Variants in LGSN observed in about 807,000 individuals in gnomAD.
The protein encoded by LGSN is lengsin.
LGSN carries 21 observed loss-of-function variants against 19.5 expected under a neutral mutation model. That is an observed-to-expected ratio of 1.07 (90% confidence interval 0.76 to 1.55). The LOEUF (loss-of-function observed/expected upper bound fraction) is 1.55. Ranked by LOEUF, LGSN falls within the 40% of genes most tolerant of loss-of-function variation. The pLI is 0.00. For synonymous variants in LGSN, 257 were observed against 215.6 expected, an observed-to-expected ratio of 1.19 and a Z score of -1.68; for missense variants, 673 against 608.5, an observed-to-expected ratio of 1.11 and a Z score of -1.12.
chr6:63,280,186 G>A lies in LGSN; in HGVS notation c.1365C>T (p.Ile455=), dbSNP rs1183824821. 6.2e-7 allele frequency: 1 copy of A among 1,614,146 alleles called. No individual in the cohort carries two copies. The highest frequency in any genetic ancestry group is 2.2e-5 in the East Asian group (1 of 44,882). Residue 455 remains isoleucine (I), a synonymous_variant, in exon 4 of 4, where the codon ATC becomes ATT. Coordinates refer to ENST00000370657, the MANE Select transcript of LGSN (RefSeq NM_016571.3). ...TDFYQVEPSE[I]PLKLEDALVA... ...CAAGGGCATCTTCTAGTTTTAAAGG[G>A]ATCTCAGAAGGTTCCACTTGGTAAA...
rs1219626148 is a variant in LGSN, at chr6:63,280,166, G to C, written c.1385C>G (p.Ala462Gly). The change falls in exon 4 of 4, where the codon GCC becomes GGC. Residue 462 changes from alanine (A) to glycine (G), a missense_variant. Physicochemically the swap from Ala to Gly is moderately conservative, Grantham distance 60. Coordinates refer to ENST00000370657, the MANE Select transcript of LGSN (RefSeq NM_016571.3). Reference protein sequence around the residue: ...PSEIPLKLEDALVALEEDQCL... With the variant: ...PSEIPLKLEDGLVALEEDQCL... ...TTGATCTTCTTCCAGTGCCACAAGG[G>C]CATCTTCTAGTTTTAAAGGGATCTC... The C allele has an allele frequency of 6.2e-7, 1 of 1,614,050 alleles. No individual in the cohort carries two copies. The highest frequency in any genetic ancestry group is 1.3e-5 in the African/African-American group (1 of 74,934).
the LGSN span, chr6:63,571,564 CA>C: frequency 6.6e-6 from 1 of 152,194 alleles, no homozygotes; most frequent in Non-Finnish European, 1.5e-5. Context: ...AGCTTTGACG[CA>C]AAGAATTACA....
the LGSN span, among the ~76,000 whole-genome samples, chr6:63,517,922 G>T: frequency 3.3e-5 from 5 of 152,120 alleles, no homozygotes; most frequent in African/African-American, 1.2e-4. Context: ...GGGAGTCCAG[G>T]CAAGTGGATC....
chr6:63,300,185 A>G (rs965714934), intron 1 of LGSN, among the ~76,000 whole-genome samples: 1 of 152,112 alleles, frequency 6.6e-6, no homozygotes, highest in Non-Finnish European at 1.5e-5. Context: ...GAGGGGTTGG[A>G]TCCTCCAGAC....
the LGSN span, among the ~76,000 whole-genome samples, chr6:63,451,110 T>C: frequency 1.3e-5 from 2 of 152,100 alleles, no homozygotes; most frequent in Non-Finnish European, 2.9e-5. Context: ...AAAAGACAGC[T>C]AAATGAAAAA....
At chr6:63,335,273 CAG>C in the LGSN span, among the ~76,000 whole-genome samples, 4 of 151,836 alleles carry the variant, frequency 2.6e-5, no homozygotes, top group African/African-American at 9.7e-5. Context: ...AAAATAAATT[CAG>C]AATAGGTAAA....
the LGSN span, among the ~76,000 whole-genome samples, chr6:63,486,238 A>G: frequency 6.6e-6 from 1 of 152,182 alleles, no homozygotes; most frequent in Non-Finnish European, 1.5e-5. Context: ...TATCTCTCAC[A>G]TGACTATGGA....
chr6:63,542,226 G>T, the LGSN span, among the ~76,000 whole-genome samples: 1 of 152,084 alleles, frequency 6.6e-6, no homozygotes, highest in Non-Finnish European at 1.5e-5. Flanking sequence ...AAGCTATGAG[G>T]ATGCAAAGGC....
the LGSN span, among the ~76,000 whole-genome samples, chr6:63,562,287 C>A: frequency 6.6e-6 from 1 of 151,502 alleles, no homozygotes; most frequent in African/African-American, 2.4e-5. Context: ...ACAACCTTCG[C>A]CTCCCGGGTT....
the LGSN span, among the ~76,000 whole-genome samples, chr6:63,398,808 A>C: frequency 6.6e-6 from 1 of 152,072 alleles, no homozygotes; most frequent in African/African-American, 2.4e-5. Context: ...CATTCATAGT[A>C]CCACTTTTTA....
the LGSN span, among the ~76,000 whole-genome samples, chr6:63,416,694 A>G: frequency 1.1e-4 from 17 of 151,676 alleles, no homozygotes; most frequent in Non-Finnish European, 2.2e-4. Flanking sequence ...CAGCCTCCCA[A>G]ACAGCTGGGA....
chr6:63,315,873 TA>T (rs74271498), intron 1 of LGSN, among the ~76,000 whole-genome samples: 209 of 137,516 alleles, frequency 1.5e-3, no homozygotes, highest in Middle Eastern at 0.011. Context: ...ATCCAGGTCT[TA>T]AAAAAAAAAA....
At chr6:63,346,042 G>A in the LGSN span, among the ~76,000 whole-genome samples, 6 of 152,004 alleles carry the variant, frequency 3.9e-5, no homozygotes, top group Admixed American at 1.3e-4. Flanking sequence ...TTGTGACATC[G>A]GAAATATCTA....
chr6:63,348,885 C>T, the LGSN span, among the ~76,000 whole-genome samples: 1 of 151,992 alleles, frequency 6.6e-6, no homozygotes, highest in Non-Finnish European at 1.5e-5. Context: ...GCCACCACAC[C>T]TGGCCAGAAG....
the LGSN span, chr6:63,571,061 T>C: frequency 6.6e-6 from 1 of 152,330 alleles, no homozygotes; most frequent in East Asian, 1.9e-4. Context: ...TGTGCTAGTT[T>C]TCCTTGATTT....
At chr6:63,388,067 G>A in the LGSN span, among the ~76,000 whole-genome samples, 71 of 150,454 alleles carry the variant, frequency 4.7e-4, no homozygotes, top group East Asian at 0.011. Context: ...GTAGAGATGC[G>A]GTTTCACCAT....
intron 1 of LGSN, 93 bp downstream of exon 1, chr6:63,319,821 C>A: frequency 1.2e-6 from 1 of 866,434 alleles, no homozygotes. Flanking sequence ...TTATGCTGCC[C>A]TTATTCTTAC....
At chr6:63,437,453 ACT>A in the LGSN span, among the ~76,000 whole-genome samples, 1 of 151,598 alleles carries the variant, frequency 6.6e-6, no homozygotes, top group East Asian at 1.9e-4. Context: ...ACAGAGTCTC[ACT>A]CTCTCGCCCA....
the LGSN span, among the ~76,000 whole-genome samples, chr6:63,543,818 A>C: frequency 6.6e-6 from 1 of 152,248 alleles, no homozygotes; most frequent in African/African-American, 2.4e-5. Context: ...TACCCAGCTC[A>C]CAGTGTAATA....
Sources: allele counts gnomAD v4.1 joint callset (sites outside exome capture counted in the v4.1 genomes callset), GRCh38; gene constraint gnomAD v4.1.1; transcripts MANE v1.5; gene names NCBI Gene and HGNC (gene_info 2026-07-23, HGNC 2026-07-21).